Variants in MMS22L observed in about 807,000 individuals in gnomAD.
MMS22L encodes MMS22 like, DNA repair protein, also known as protein MMS22-like.
MMS22L carries 74 observed loss-of-function variants against 159.1 expected under a neutral mutation model. That is an observed-to-expected ratio of 0.47 (90% CI 0.39 to 0.56). The LOEUF (loss-of-function observed/expected upper bound fraction) is 0.56, where lower values mean the gene tolerates loss of function less well. MMS22L is among the 20% of genes least tolerant of loss of function. The pLI is 0.00. For missense variants in MMS22L, 1,351 were observed against 1,422.1 expected (o/e 0.95, Z 0.80); for synonymous variants, 517 against 506.9 (o/e 1.02, Z -0.27).
chr6:97,146,637 C>A lies in MMS22L; in HGVS notation c.*169G>T, dbSNP rs1800936339. ...ATCCTATTACACAGTTGCTAATTAA[C>A]CTTCAGTTCCTTATTTATACATTTT... On this transcript the variant is annotated 3_prime_UTR_variant, in exon 25 of 25. Transcript: ENST00000683635. 1.1e-5 allele frequency: 5 copies of A among 442,162 alleles called. No homozygotes were observed. Among genetic ancestry groups the A allele is most frequent in the South Asian group, 4.3e-5 (1 of 23,100 alleles). The allele number at this position is 442,162 out of a possible 1,614,324, so 27.4% of individuals were successfully genotyped here.
intron 14 of MMS22L, among the ~76,000 whole-genome samples, chr6:97,188,167 A>G (rs778898783): frequency 1.3e-5 from 2 of 152,200 alleles, no homozygotes; most frequent in African/African-American, 2.4e-5. Context: ...TCAACTGCCT[A>G]TATCAACATA....
At chr6:97,226,165 T>A (rs1810226811) in intron 14 of MMS22L, among the ~76,000 whole-genome samples, 1 of 152,234 alleles carries the variant, frequency 6.6e-6, no homozygotes, top group South Asian at 2.1e-4. Context: ...GGATAAAGTT[T>A]GGCACATCTA....
chr6:97,162,656 A>G (rs1562403337), intron 21 of MMS22L, among the ~76,000 whole-genome samples: 1 of 152,036 alleles, frequency 6.6e-6, no homozygotes. Context: ...AGGACACTCA[A>G]GCTTTATCTC....
chr6:97,233,717 T>C (rs1193795445), intron 12 of MMS22L, 144 bp downstream of exon 12: 2 of 724,764 alleles, frequency 2.8e-6, no homozygotes. Flanking sequence ...ATAAAACTAT[T>C]CACGAGCTAC....
At position 97,165,222 on chromosome 6, in the gene MMS22L, C is replaced by A. The variant is rs1448135881; in HGVS notation, c.3221+24G>T. 1.9e-6 allele frequency: 3 copies of A among 1,588,232 alleles called. No individual in the cohort carries two copies. In the South Asian group the frequency reaches 3.3e-5, roughly 18 times the overall value. ...AGAGCTTAATAATTTGTACATACCA[C>A]CTATATTTAATATTTAGATGTACCT... On this transcript the variant is annotated intron_variant, in intron 21 of 24. Transcript: ENST00000683635.
intron 6 of MMS22L, chr6:97,270,262 C>T: frequency 1.8e-6 from 1 of 564,094 alleles, no homozygotes; most frequent in Middle Eastern, 2.7e-4. Flanking sequence ...TACCTTCCAA[C>T]CAACCTCTGA....
Position 97,272,853 on chromosome 6 carries a change from G to A in MMS22L, c.457C>T (p.His153Tyr). 6.2e-7 allele frequency: 1 copy of A among 1,613,532 alleles called. No individual in the cohort carries two copies. Among genetic ancestry groups the A allele is most frequent in the African/African-American group, 1.3e-5 (1 of 75,012 alleles). The change falls in exon 6 of 25, where the codon CAT (histidine) becomes TAT (tyrosine). Residue 153 changes from histidine to tyrosine, a missense_variant. His to Tyr is a moderately conservative substitution (Grantham distance 83). Coordinates refer to ENST00000683635, the MANE Select transcript of MMS22L (RefSeq NM_001350599.2). ...RYLKVQNAES[H>Y]VPVHPYEALE... Reference sequence around the variant, plus strand: ...GCCTCATAAGGATGGACAGGAACATGACTCTCAGCATTCTGTACTTTCAGA... The same window carrying A: ...GCCTCATAAGGATGGACAGGAACATAACTCTCAGCATTCTGTACTTTCAGA...
chr6:97,190,962 C>G (rs973613262), intron 14 of MMS22L, among the ~76,000 whole-genome samples: 4 of 152,178 alleles, frequency 2.6e-5, no homozygotes, highest in African/African-American at 4.8e-5. Context: ...TCCTACGCTT[C>G]TATTTTAGCT....
chr6:97,174,899 G>A (rs1301751060), intron 18 of MMS22L, among the ~76,000 whole-genome samples: 2 of 152,162 alleles, frequency 1.3e-5, no homozygotes, highest in Admixed American at 6.6e-5. Flanking sequence ...ACCTAAATGA[G>A]TGACTGTGAG....
intron 18 of MMS22L, among the ~76,000 whole-genome samples, chr6:97,176,903 A>T (rs1374938660): frequency 6.6e-6 from 1 of 152,170 alleles, no homozygotes; most frequent in African/African-American, 2.4e-5. Context: ...AAGTCCTATG[A>T]ATCACAGAAC....
Position 97,282,197 on chromosome 6 carries a change from G to A in MMS22L, c.164+117C>T, listed in dbSNP as rs921900300. On this transcript the variant is annotated intron_variant, in intron 2 of 24. Coordinates refer to ENST00000683635, the MANE Select transcript of MMS22L (RefSeq NM_001350599.2). Reference sequence around the variant, plus strand: ...CATTTGTACCCTTATGATATACTAAGCTGATTTATAAAACACGACTTGGTG... The same window carrying A: ...CATTTGTACCCTTATGATATACTAAACTGATTTATAAAACACGACTTGGTG... 2.1e-5 allele frequency: 21 copies of A among 981,460 alleles called. No homozygotes were observed. In the Admixed American group the frequency reaches 3.9e-4, roughly 18 times the overall value. The allele number at this position is 981,460 out of a possible 1,614,324, so 60.8% of individuals were successfully genotyped here.
intron 22 of MMS22L, among the ~76,000 whole-genome samples, chr6:97,153,675 C>T (rs557910393): frequency 3.4e-4 from 51 of 152,196 alleles, no homozygotes; most frequent in African/African-American, 1.2e-3. Flanking sequence ...CTAGACCTGT[C>T]TCTATAGATT....
chr6:97,248,649 C>G (rs1456124754), intron 10 of MMS22L, among the ~76,000 whole-genome samples: 2 of 152,098 alleles, frequency 1.3e-5, no homozygotes, highest in African/African-American at 4.8e-5. Context: ...CACTTGAGGT[C>G]AGGAGTTCAA....
At chr6:97,250,139 AT>A (rs528244754) in intron 10 of MMS22L, among the ~76,000 whole-genome samples, 1 of 151,484 alleles carries the variant, frequency 6.6e-6, no homozygotes, top group Non-Finnish European at 1.5e-5. Flanking sequence ...CAGCTACAGC[AT>A]TTTTTTTTCT....
chr6:97,176,315 T>C (rs777741026), intron 18 of MMS22L, among the ~76,000 whole-genome samples: 3 of 152,096 alleles, frequency 2.0e-5, no homozygotes, highest in African/African-American at 7.2e-5. Context: ...ACCAGTGCCT[T>C]AGACTTCTCA....
At chr6:97,187,409 TAAG>T (rs1805364213) in intron 14 of MMS22L, among the ~76,000 whole-genome samples, 1 of 152,140 alleles carries the variant, frequency 6.6e-6, no homozygotes, top group Non-Finnish European at 1.5e-5. Context: ...GAGAGGGAAA[TAAG>T]AGATCTTCTT....
At chr6:97,219,513 T>G (rs779490360) in intron 14 of MMS22L, among the ~76,000 whole-genome samples, 12 of 152,134 alleles carry the variant, frequency 7.9e-5, no homozygotes, top group Non-Finnish European at 1.8e-4. Context: ...TTCACTAATT[T>G]AAACTGTCAC....
At chr6:97,188,036 CCT>C (rs1040965752) in intron 14 of MMS22L, among the ~76,000 whole-genome samples, 2 of 152,112 alleles carry the variant, frequency 1.3e-5, no homozygotes, top group Admixed American at 6.5e-5. Context: ...TCTGCTATGT[CCT>C]CTCTGTAAAA....
chr6:97,194,648 C>T (rs1806283903), intron 14 of MMS22L, among the ~76,000 whole-genome samples: 1 of 152,074 alleles, frequency 6.6e-6, no homozygotes, highest in African/African-American at 2.4e-5. Flanking sequence ...GTAACAAGAT[C>T]ATACATAATC....
Sources: gnomAD v4.1 joint callset for allele counts (sites outside exome capture counted in the v4.1 genomes callset) on GRCh38, gnomAD v4.1.1 for gene constraint, MANE v1.5 for transcripts, NCBI Gene and HGNC (gene_info 2026-07-23, HGNC 2026-07-21) for gene names.